Variants in LYG2 observed in about 807,000 individuals in gnomAD.
LYG2 encodes the protein lysozyme g2.
Under a neutral mutation model 22.4 loss-of-function variants are expected in LYG2, and 25 were observed. The ratio of observed to expected loss-of-function variants is 1.12; its 90% CI spans 0.81 to 1.56. LYG2 has a LOEUF of 1.56. LYG2 is among the 40% of genes most tolerant of loss of function. The probability of loss-of-function intolerance (pLI) is 0.00; values close to 1 mark genes in which losing one functional copy is unlikely to be tolerated. For missense variants in LYG2, 266 were observed against 269.5 expected (o/e 0.99, Z 0.09); for synonymous variants, 88 against 97.0 (o/e 0.91, Z 0.55).
upstream of LYG2, among the ~76,000 whole-genome samples, chr2:99,258,432 G>T (rs879807084): frequency 1.3e-5 from 2 of 152,130 alleles, no homozygotes; most frequent in Non-Finnish European, 2.9e-5. Context: ...ATGCACTCAG[G>T]AAAAATAAAC....
intron 3 of LYG2, among the ~76,000 whole-genome samples, chr2:99,248,934 T>G (rs2094021677): frequency 6.6e-6 from 1 of 152,176 alleles, no homozygotes; most frequent in African/African-American, 2.4e-5. Context: ...CCAAAATAAT[T>G]TAAGTCAAAT....
At chr2:99,251,071 GA>G (rs2094025712) in intron 3 of LYG2, among the ~76,000 whole-genome samples, 1 of 152,198 alleles carries the variant, frequency 6.6e-6, no homozygotes, top group South Asian at 2.1e-4. Context: ...AAGGATGAAT[GA>G]AAAACTGATA....
chr2:99,248,136 A>G (rs2094019551), intron 3 of LYG2, among the ~76,000 whole-genome samples: 1 of 151,958 alleles, frequency 6.6e-6, no homozygotes, highest in Non-Finnish European at 1.5e-5. Flanking sequence ...TGTTGGTGGG[A>G]CTGTAAACTA....
intron 1 of LYG2, among the ~76,000 whole-genome samples, 41 bp downstream of exon 1, chr2:99,255,562 A>C (rs1013929430): frequency 1.3e-5 from 2 of 152,224 alleles, no homozygotes; most frequent in Admixed American, 6.5e-5. Context: ...AAAGGATAAC[A>C]GGAAATACTA....
chr2:99,257,766 G>T (rs1049097658), upstream of LYG2, among the ~76,000 whole-genome samples: 4 of 152,286 alleles, frequency 2.6e-5, no homozygotes, highest in Admixed American at 2.6e-4. Flanking sequence ...CAGATTTGGG[G>T]TTCCTGGCTT....
intron 3 of LYG2, among the ~76,000 whole-genome samples, chr2:99,250,621 A>T (rs572109027): frequency 2.0e-5 from 3 of 152,014 alleles, no homozygotes; most frequent in South Asian, 2.1e-4. Context: ...TGATCCGCCC[A>T]CCTTGGCCTC....
chr2:99,256,979 T>C (rs145553796), upstream of LYG2, among the ~76,000 whole-genome samples: 1,653 of 152,332 alleles, frequency 0.011, 9 homozygotes, highest in Middle Eastern at 0.024. Context: ...AAGTAACTTG[T>C]CAAAGATGGC....
At position 99,254,388 on chromosome 2, in the gene LYG2, C is replaced by G. The variant is rs182033682; in HGVS notation, c.-25-103G>C. The G allele has an allele frequency of 2.6e-5, 21 of 810,372 alleles. No homozygotes were observed. In the African/African-American group the frequency reaches 3.3e-4, roughly 13 times the overall value. 50.2% of individuals were successfully genotyped at this position (810,372 alleles called of 1,614,324 possible). On this transcript the variant is annotated intron_variant, in intron 2 of 6. Transcript: ENST00000333017. ...AAAAAGTTTAGAGTTATTTCCAATT[C>G]ACTACTCATTTCCCTGTTTCAAGAT... is the stretch of plus-strand genomic sequence containing the variant.
At chr2:99,250,447 T>C (rs2094024209) in intron 3 of LYG2, among the ~76,000 whole-genome samples, 1 of 149,196 alleles carries the variant, frequency 6.7e-6, no homozygotes, top group Admixed American at 6.9e-5. Flanking sequence ...CGATCATGGC[T>C]CACTGCAAGC....
chr2:99,242,781 A>G (rs1419212804), intron 6 of LYG2, among the ~76,000 whole-genome samples: 1 of 152,146 alleles, frequency 6.6e-6, no homozygotes, highest in Non-Finnish European at 1.5e-5. Flanking sequence ...CTCTGCTGAA[A>G]ATGCTTGTAA....
intron 1 of LYG2, 187 bp from the exon 2 acceptor site, chr2:99,255,324 C>T (rs1405246653): frequency 6.6e-6 from 1 of 152,112 alleles, no homozygotes; most frequent in Admixed American, 6.5e-5. Flanking sequence ...GTTTAAAACC[C>T]TCTCTTTAAA....
chr2:99,254,252 G>A lies in LYG2; in HGVS notation c.9C>T (p.Ser3=), dbSNP rs539326212. 3.7e-6 allele frequency: 6 copies of A among 1,613,944 alleles called. No homozygotes were observed. The African/African-American group carries it at 6.7e-5, about 18-fold the overall frequency. Residue 3 remains serine, a synonymous_variant, in exon 3 of 7, where the codon TCC becomes TCT. Transcript: ENST00000333017. The part of the protein sequence containing the change: ML[S]SVVFWGLIAL... ...CAATTAGTCCCCAAAACACCACGGA[G>A]GATAACATGGCGGGGAATCTTATCT...
chr2:99,259,144 C>A (rs2094042423), upstream of LYG2, among the ~76,000 whole-genome samples: 1 of 151,502 alleles, frequency 6.6e-6, no homozygotes, highest in African/African-American at 2.4e-5. Flanking sequence ...TACTGTTCAG[C>A]AGTTTCTAAC....
intron 3 of LYG2, among the ~76,000 whole-genome samples, chr2:99,249,012 G>C (rs1266430228): frequency 6.6e-6 from 1 of 152,142 alleles, no homozygotes; most frequent in South Asian, 2.1e-4. Context: ...TTACAGGAGA[G>C]GCAGAGCTTT....
intron 1 of LYG2, among the ~76,000 whole-genome samples, 119 bp downstream of exon 1, chr2:99,255,484 T>G (rs1327250190): frequency 6.6e-6 from 1 of 152,216 alleles, no homozygotes; most frequent in Non-Finnish European, 1.5e-5. Flanking sequence ...GATAGATTGT[T>G]TCTAGATATC....
upstream of LYG2, among the ~76,000 whole-genome samples, chr2:99,259,288 A>C (rs2094042980): frequency 6.6e-6 from 1 of 152,118 alleles, no homozygotes; most frequent in Non-Finnish European, 1.5e-5. Flanking sequence ...AGAGAAAAGA[A>C]AAAAAAAGAA....
At chr2:99,260,256 C>G (rs1574868565), upstream of LYG2, among the ~76,000 whole-genome samples, 1 of 152,144 alleles carries the variant, frequency 6.6e-6, no homozygotes, top group South Asian at 2.1e-4. Context: ...AGCCACCGTG[C>G]CCGGCCAAGT....
chr2:99,249,761 CAAAA>C (rs70940156), intron 3 of LYG2, among the ~76,000 whole-genome samples: 1 of 65,292 alleles, frequency 1.5e-5, no homozygotes, highest in Middle Eastern at 9.3e-3. Context: ...AACTCTGTCT[CAAAA>C]AAAAAAAAAA....
At chr2:99,249,238 T>A (rs1372221905) in intron 3 of LYG2, among the ~76,000 whole-genome samples, 2 of 151,878 alleles carry the variant, frequency 1.3e-5, no homozygotes, top group African/African-American at 2.4e-5. Flanking sequence ...CTATGCAACA[T>A]GGCAAAACTC....
Sources: allele counts gnomAD v4.1 joint callset (sites outside exome capture counted in the v4.1 genomes callset), GRCh38; gene constraint gnomAD v4.1.1; transcripts MANE v1.5; gene names NCBI Gene and HGNC (gene_info 2026-07-23, HGNC 2026-07-21).